TPH1: variants seen among roughly 807,000 people sequenced by gnomAD.
TPH1 encodes tryptophan hydroxylase 1, also known as tryptophan 5-hydroxylase 1.
In TPH1, 37 loss-of-function variants were observed where a neutral mutation model predicts 49.5. That is an observed-to-expected ratio of 0.75 (90% CI 0.58 to 0.98). The LOEUF is 0.98. Among genes scored for constraint, TPH1 ranks in the 50% least tolerant of loss-of-function variants. The pLI is 0.00. For missense variants in TPH1, 487 were observed against 523.6 expected (o/e 0.93, Z 0.68); for synonymous variants, 160 against 182.1 (o/e 0.88, Z 0.98).
chr11:18,044,895 G>A (rs1479764885), intron 1 of TPH1, among the ~76,000 whole-genome samples: 1 of 152,024 alleles, frequency 6.6e-6, no homozygotes, highest in East Asian at 1.9e-4. Flanking sequence ...ATACCAACTG[G>A]TACCCTTTTC....
intron 4 of TPH1, 102 bp from the exon 5 acceptor site, chr11:18,029,681 G>T: frequency 2.2e-6 from 2 of 916,570 alleles, no homozygotes; most frequent in Non-Finnish European, 3.5e-6. Context: ...ATATTAAAGG[G>T]CTACATAATT....
chr11:18,023,671 T>TTATCTATC (rs34286483), intron 9 of TPH1, among the ~76,000 whole-genome samples: 28 of 151,996 alleles, frequency 1.8e-4, no homozygotes, highest in African/African-American at 6.0e-4. Context: ...AATTCTTATT[T>TTATCTATC]TATCTATCTA....
chr11:18,025,824 A>G, intron 7 of TPH1, 123 bp from the exon 8 acceptor site: 1 of 1,400,802 alleles, frequency 7.1e-7, no homozygotes, highest in East Asian at 2.4e-5. Flanking sequence ...TTAGTAATGG[A>G]TCACAAAGGA....
At chr11:18,032,671 G>A (rs1358227858) in intron 4 of TPH1, among the ~76,000 whole-genome samples, 5 of 144,526 alleles carry the variant, frequency 3.5e-5, no homozygotes, top group South Asian at 2.4e-4. Flanking sequence ...TCAGCCTCCC[G>A]AGTAGCTGGG....
intron 1 of TPH1, among the ~76,000 whole-genome samples, chr11:18,043,192 C>A (rs1431004378): frequency 6.6e-6 from 1 of 152,174 alleles, no homozygotes; most frequent in Non-Finnish European, 1.5e-5. Flanking sequence ...GATCAGAGAA[C>A]AGTAAAGAAA....
intron 7 of TPH1, 84 bp downstream of exon 7, chr11:18,026,406 A>AAG: frequency 8.5e-7 from 1 of 1,181,526 alleles, no homozygotes; most frequent in East Asian, 2.6e-5. Flanking sequence ...AAAAAAAAAA[A>AAG]AAAAAAAAAA....
intron 4 of TPH1, among the ~76,000 whole-genome samples, chr11:18,029,786 TAA>T (rs895746991): frequency 2.6e-5 from 4 of 152,144 alleles, no homozygotes; most frequent in South Asian, 2.1e-4. Flanking sequence ...GCTACAAAGA[TAA>T]AAGATATAAT....
intron 1 of TPH1, among the ~76,000 whole-genome samples, chr11:18,041,683 T>C (rs1022474710): frequency 6.6e-6 from 1 of 152,230 alleles, no homozygotes; most frequent in Non-Finnish European, 1.5e-5. Context: ...TATGAATTCA[T>C]TGGGTTCAAG....
intron 2 of TPH1, among the ~76,000 whole-genome samples, chr11:18,036,428 A>C (rs1434229534): frequency 2.0e-4 from 31 of 152,254 alleles, no homozygotes; most frequent in Admixed American, 2.0e-3. Context: ...AATATTATTA[A>C]GTTTCCTGGG....
intron 4 of TPH1, among the ~76,000 whole-genome samples, chr11:18,032,115 T>A (rs1847996753): frequency 6.6e-6 from 1 of 152,148 alleles, no homozygotes; most frequent in South Asian, 2.1e-4. Flanking sequence ...AGCTAACACA[T>A]GAGAGAAGCT....
intron 2 of TPH1, among the ~76,000 whole-genome samples, chr11:18,038,204 G>A (rs528909808): frequency 2.0e-5 from 3 of 151,472 alleles, no homozygotes; most frequent in South Asian, 4.2e-4. Flanking sequence ...AGCAGAATAA[G>A]CATATAACTT....
rs999363630 is a variant in TPH1, at chr11:18,019,890, C to T, written c.*1101G>A. ...TGGCAATCCTTACATTACTTACAGTCTCAGTCCTAAACCACTCTTCTTGAC... is the reference window on the plus strand; with the variant it reads ...TGGCAATCCTTACATTACTTACAGTTTCAGTCCTAAACCACTCTTCTTGAC... On this transcript the variant is annotated 3_prime_UTR_variant, in exon 11 of 11. Coordinates refer to ENST00000682019, the MANE Select transcript of TPH1 (RefSeq NM_004179.3). 13 of 383,588 alleles carry T rather than the reference C, an allele frequency of 3.4e-5. No homozygotes were observed. Among genetic ancestry groups the T allele is most frequent in the Non-Finnish European group, 6.7e-5 (13 of 194,104 alleles). 23.8% of individuals were successfully genotyped at this position (383,588 alleles called of 1,614,324 possible). A position where few individuals can be genotyped will look rare whatever the true frequency, so the allele number is the denominator to read the frequency against.
intron 2 of TPH1, among the ~76,000 whole-genome samples, chr11:18,040,206 C>T (rs975894679): frequency 6.7e-6 from 1 of 148,458 alleles, no homozygotes; most frequent in South Asian, 2.1e-4. Context: ...ATTTGTATCT[C>T]CTCTTCTGTA....
chr11:18,030,411 G>A (rs1847975821), intron 4 of TPH1, among the ~76,000 whole-genome samples: 1 of 150,142 alleles, frequency 6.7e-6, no homozygotes. Context: ...AATAGAGGGA[G>A]ACTCTATCTT....
In TPH1 at chr11:18,022,696, G is replaced by C. The variant is rs994507070; in HGVS notation, c.1160+102C>G. The C allele has an allele frequency of 3.9e-6, 5 of 1,295,164 alleles. No homozygotes were observed. The African/African-American group carries it at 4.4e-5, about 11-fold the overall frequency. 80.2% of individuals were successfully genotyped at this position (1,295,164 alleles called of 1,614,324 possible). A position where few individuals can be genotyped will look rare whatever the true frequency, so the allele number is the denominator to read the frequency against. On this transcript the variant is annotated intron_variant, in intron 10 of 10. Coordinates refer to ENST00000682019, the MANE Select transcript of TPH1 (RefSeq NM_004179.3). ...ATGTGTTACAGACAGAAGGCTCCTT[G>C]TGGGCTTCAAATTATCTAGCTGCTT...
intron 6 of TPH1, among the ~76,000 whole-genome samples, chr11:18,028,681 A>G (rs1021510241): frequency 1.3e-5 from 2 of 152,130 alleles, no homozygotes; most frequent in Non-Finnish European, 2.9e-5. Context: ...TTATCCTTCA[A>G]TGTGGTGCCC....
At chr11:18,037,324 C>T (rs963702402) in intron 2 of TPH1, among the ~76,000 whole-genome samples, 3 of 149,740 alleles carry the variant, frequency 2.0e-5, no homozygotes, top group African/African-American at 7.4e-5. Flanking sequence ...TGCCACTGCA[C>T]TCCAGCCTGG....
chr11:18,037,151 G>A (rs1848054866), intron 2 of TPH1, among the ~76,000 whole-genome samples: 1 of 152,112 alleles, frequency 6.6e-6, no homozygotes, highest in Non-Finnish European at 1.5e-5. Context: ...TTGAGCCCAG[G>A]AGTTCAGGAC....
intron 1 of TPH1, among the ~76,000 whole-genome samples, chr11:18,043,155 A>C (rs979396884): frequency 6.6e-6 from 1 of 152,220 alleles, no homozygotes; most frequent in Non-Finnish European, 1.5e-5. Context: ...TTCATCATGT[A>C]AATCAGCTTT....
Sources: allele counts gnomAD v4.1 joint callset (sites outside exome capture counted in the v4.1 genomes callset), GRCh38; gene constraint gnomAD v4.1.1; transcripts MANE v1.5; gene names NCBI Gene and HGNC (gene_info 2026-07-23, HGNC 2026-07-21).